Variants in LARP4B observed in about 807,000 individuals in gnomAD.
LARP4B encodes la-related protein 4B.
LARP4B carries 12 observed loss-of-function variants against 89.8 expected under a neutral mutation model. The observed-to-expected ratio is 0.13, with a 90% CI of 0.09 to 0.22. The LOEUF is 0.22. Ranked by LOEUF, LARP4B falls within the 10% of genes least tolerant of loss-of-function variation. LARP4B has a pLI of 1.00. For synonymous variants in LARP4B, 367 were observed against 363.3 expected, an observed-to-expected ratio of 1.01 and a Z score of -0.12; for missense variants, 757 against 947.7, an observed-to-expected ratio of 0.80 and a Z score of 2.64.
At chr10:979,626 G>A in the LARP4B span, among the ~76,000 whole-genome samples, 3 of 152,158 alleles carry the variant, frequency 2.0e-5, no homozygotes, top group African/African-American at 7.2e-5. Flanking sequence ...CCAGTTAACT[G>A]GGTCCTTTGT....
chr10:954,685 C>T, the LARP4B span, among the ~76,000 whole-genome samples: 1 of 152,102 alleles, frequency 6.6e-6, no homozygotes, highest in Non-Finnish European at 1.5e-5. The surrounding 1 kb of genome is among the most constrained non-coding windows in gnomAD (Gnocchi z 5.0). Context: ...TTCAGGGTAC[C>T]GGCCGGGCGC....
At chr10:893,416 A>C (rs1241416865) in intron 1 of LARP4B, among the ~76,000 whole-genome samples, 1 of 152,226 alleles carries the variant, frequency 6.6e-6, no homozygotes, top group African/African-American at 2.4e-5. Flanking sequence ...ATGAATACAA[A>C]ATTAAAGAAG....
At chr10:824,344 C>G (rs1218335470) in intron 13 of LARP4B, among the ~76,000 whole-genome samples, 1 of 152,106 alleles carries the variant, frequency 6.6e-6, no homozygotes, top group Admixed American at 6.5e-5. Context: ...TATTTAAAAA[C>G]TAGCCAGGCA....
At chr10:908,240 G>C (rs1836548938) in intron 1 of LARP4B, among the ~76,000 whole-genome samples, 1 of 152,102 alleles carries the variant, frequency 6.6e-6, no homozygotes, top group African/African-American at 2.4e-5. Context: ...GACTCGGTTT[G>C]GGGAGCTTCC....
intron 3 of LARP4B, among the ~76,000 whole-genome samples, chr10:866,627 T>C (rs188048840): frequency 8.5e-4 from 129 of 152,344 alleles, no homozygotes; most frequent in Non-Finnish European, 1.5e-3. Flanking sequence ...CTTTCCTAAT[T>C]AGACCCAGTC....
intron 3 of LARP4B, among the ~76,000 whole-genome samples, chr10:872,653 G>A (rs1034999738): frequency 2.0e-5 from 3 of 152,178 alleles, no homozygotes; most frequent in Non-Finnish European, 4.4e-5. Context: ...CTGGGTAACA[G>A]TGCAGATGGC....
chr10:818,000 C>A, intron 14 of LARP4B, 111 bp from the exon 15 acceptor site: 1 of 1,079,916 alleles, frequency 9.3e-7, no homozygotes, highest in Non-Finnish European at 1.3e-6. Context: ...ATCATTCAAC[C>A]CAGACAAGGG....
the LARP4B span, among the ~76,000 whole-genome samples, chr10:944,109 G>A: frequency 7.2e-5 from 11 of 152,166 alleles, no homozygotes; most frequent in African/African-American, 2.7e-4. Flanking sequence ...AGAATTCGTG[G>A]TAAAGTACTG....
At chr10:980,621 G>A in the LARP4B span, among the ~76,000 whole-genome samples, 15 of 152,160 alleles carry the variant, frequency 9.9e-5, no homozygotes, top group Admixed American at 7.2e-4. Flanking sequence ...TTTGAACCAC[G>A]GCTGCAGCTA....
the LARP4B span, among the ~76,000 whole-genome samples, chr10:965,031 G>A: frequency 6.6e-6 from 1 of 152,242 alleles, no homozygotes; most frequent in African/African-American, 2.4e-5. Flanking sequence ...TGCACGCTGA[G>A]GCCCGAGAGG....
At position 814,579 on chromosome 10, in the gene LARP4B, A is replaced by G; in HGVS notation, c.1929+163T>C. 2 of 1,476,766 alleles carry G rather than the reference A, an allele frequency of 1.4e-6. No homozygotes were observed. Among genetic ancestry groups the G allele is most frequent in the Middle Eastern group, 1.7e-4 (1 of 5,846 alleles). The allele number at this position is 1,476,766 out of a possible 1,614,324, so 91.5% of individuals were successfully genotyped here. On this transcript the variant is annotated intron_variant, in intron 17 of 17. Coordinates refer to ENST00000316157, the MANE Select transcript of LARP4B (RefSeq NM_015155.3). This position sits in a 1 kb window ranked among gnomAD's most constrained non-coding sequence, Gnocchi z 4.4. The stretch of plus-strand genomic sequence containing the variant: ...GTAGTTAGTGGAAAATTATTAGCAA[A>G]TATTAAAGGTATTTTGTACAGAAAA...
intron 1 of LARP4B, among the ~76,000 whole-genome samples, chr10:920,837 G>C (rs566197950): frequency 6.6e-6 from 1 of 152,238 alleles, no homozygotes; most frequent in East Asian, 1.9e-4. Flanking sequence ...GATAACGATG[G>C]AACTGATAAA....
intron 3 of LARP4B, among the ~76,000 whole-genome samples, chr10:867,377 A>C (rs1834955150): frequency 6.6e-6 from 1 of 152,218 alleles, no homozygotes; most frequent in South Asian, 2.1e-4. Context: ...ACTTCCCCAT[A>C]AAAACGATGG....
rs557621521 is a variant in LARP4B, at chr10:814,397, G to A, written c.1929+345C>T. ...TGTCTCTTCATCAGACACACGATGC[G>A]CGCGCACGCACGCAAACATACACAC... On this transcript the variant is annotated intron_variant, in intron 17 of 17. Coordinates refer to ENST00000316157, the MANE Select transcript of LARP4B (RefSeq NM_015155.3). This position sits in a 1 kb window ranked among gnomAD's most constrained non-coding sequence, Gnocchi z 4.4. 20 of 370,236 alleles carry A rather than the reference G, an allele frequency of 5.4e-5. No individual in the cohort carries two copies. Among genetic ancestry groups the A allele is most frequent in the Middle Eastern group, 9.9e-4 (1 of 1,014 alleles). The allele number at this position is 370,236 out of a possible 1,614,324, so 22.9% of individuals were successfully genotyped here.
the LARP4B span, among the ~76,000 whole-genome samples, chr10:975,277 AC>A: frequency 5.3e-5 from 8 of 152,206 alleles, no homozygotes; most frequent in Non-Finnish European, 1.2e-4. Context: ...GACGGCATCC[AC>A]CCGTGGTGTC....
At position 822,887 on chromosome 10, in the gene LARP4B, G is replaced by C. The variant is rs1405166956; in HGVS notation, c.1485-2042C>G. Among the ~76,000 whole-genome samples the C allele has an allele frequency of 3.9e-5, 6 of 152,196 alleles. No homozygotes were observed. The highest frequency in any genetic ancestry group is 3.9e-4 in the Admixed American group (6 of 15,290). ...CTGCCATGGCCGCCATGCAAGGGTA[G>C]GGACATGTGTCTGGACTCTGGTAAG... is the stretch of plus-strand genomic sequence containing the variant. On this transcript the variant is annotated intron_variant, in intron 13 of 17. Transcript: ENST00000316157. This position sits in a 1 kb window ranked among gnomAD's most constrained non-coding sequence, Gnocchi z 4.6.
At chr10:860,378 T>C (rs995781856) in intron 5 of LARP4B, among the ~76,000 whole-genome samples, 2 of 152,114 alleles carry the variant, frequency 1.3e-5, no homozygotes, top group African/African-American at 2.4e-5. Flanking sequence ...TGGTTGAGAA[T>C]AGAAAATGGT....
At chr10:978,742 A>G in the LARP4B span, among the ~76,000 whole-genome samples, 1 of 152,118 alleles carries the variant, frequency 6.6e-6, no homozygotes, top group East Asian at 1.9e-4. Flanking sequence ...TTTTTTATGC[A>G]CTTTATTTGT....
At chr10:877,767 T>C (rs1225757056) in intron 3 of LARP4B, among the ~76,000 whole-genome samples, 2 of 152,174 alleles carry the variant, frequency 1.3e-5, no homozygotes, top group Admixed American at 6.5e-5. Context: ...TCTTTTACAC[T>C]GGAGACATTT....
Sources: allele counts gnomAD v4.1 joint callset (sites outside exome capture counted in the v4.1 genomes callset), GRCh38; gene constraint gnomAD v4.1.1; non-coding constraint Gnocchi (gnomAD v3.1); transcripts MANE v1.5; gene names NCBI Gene and HGNC (gene_info 2026-07-23, HGNC 2026-07-21).